The following DENND1A variants were observed in gnomAD, a reference collection of about 807,000 sequenced individuals.
DENND1A encodes the protein DENN domain containing 1A.
In DENND1A, 51 loss-of-function variants were observed where a neutral mutation model predicts 113.7. The observed-to-expected ratio is 0.45, with a 90% CI of 0.36 to 0.57. The LOEUF (loss-of-function observed/expected upper bound fraction) is 0.57. Among genes scored for constraint, DENND1A ranks in the 20% least tolerant of loss-of-function variants. The pLI is 0.00. For synonymous variants in DENND1A, 565 were observed against 570.8 expected (o/e 0.99, Z 0.14); for missense variants, 1,258 against 1,395.9 (o/e 0.90, Z 1.57).
At chr9:123,541,322 A>T (rs949187671) in intron 13 of DENND1A, among the ~76,000 whole-genome samples, 1 of 152,210 alleles carries the variant, frequency 6.6e-6, no homozygotes, top group African/African-American at 2.4e-5. Flanking sequence ...GAGTTCAGTG[A>T]GTACCAGGTT....
chr9:123,487,268 C>T (rs1480879178), intron 13 of DENND1A, among the ~76,000 whole-genome samples: 4 of 152,124 alleles, frequency 2.6e-5, no homozygotes, highest in East Asian at 1.9e-4. Context: ...TGCTCAAGTT[C>T]GTTTAAGTTG....
At chr9:123,655,480 T>C (rs549966528) in intron 8 of DENND1A, among the ~76,000 whole-genome samples, 45 of 152,230 alleles carry the variant, frequency 3.0e-4, no homozygotes, top group African/African-American at 1.0e-3. Flanking sequence ...TACTCAGTAA[T>C]GGTGAAGAAC....
At chr9:123,459,703 C>T (rs996102727) in intron 13 of DENND1A, among the ~76,000 whole-genome samples, 16 of 151,878 alleles carry the variant, frequency 1.1e-4, no homozygotes, top group African/African-American at 3.9e-4. Flanking sequence ...TAACACCCCA[C>T]CCCCCAGCCC....
rs141973246 is a variant in DENND1A, at chr9:123,590,527, C to T, written c.766-7257G>A. 4.9e-3 allele frequency among the ~76,000 whole-genome samples: 749 copies of T among 152,240 alleles called. 4 individuals are homozygous for T. The highest frequency in any genetic ancestry group is 0.018 in the African/African-American group (727 of 41,528). On this transcript the variant is annotated intron_variant, in intron 11 of 23. Coordinates refer to ENST00000394215, the MANE Select transcript of DENND1A (RefSeq NM_001352964.2). ...GGGGATGATAACCGTACCTACCTCA[C>T]AGATTTGTGAGGATTCAATGGGTTA...
At chr9:123,618,947 T>C (rs1348698177) in intron 10 of DENND1A, among the ~76,000 whole-genome samples, 3 of 150,934 alleles carry the variant, frequency 2.0e-5, no homozygotes. Context: ...GTTTTTTATT[T>C]CTTCTTATTA....
rs992077125 is a variant in DENND1A, at chr9:123,708,591, T to C, written c.303-31802A>G. On this transcript the variant is annotated intron_variant, in intron 5 of 23. Transcript: ENST00000394215. ...GAAAAATAAATTTTAAGTAACAACA[T>C]ATAAAATATTACAAGTATATAAAAA... is the stretch of plus-strand genomic sequence containing the variant. 2.9e-4 allele frequency among the ~76,000 whole-genome samples: 44 copies of C among 152,126 alleles called. 1 individual carries two copies. The highest frequency in any genetic ancestry group is 1.9e-3 in the Admixed American group (29 of 15,284).
chr9:123,403,691 C>G (rs867550546), intron 20 of DENND1A: 2 of 581,848 alleles, frequency 3.4e-6, no homozygotes, highest in Middle Eastern at 4.6e-4. Flanking sequence ...AATTCTGTGG[C>G]CTATTCAAAT....
chr9:123,596,805 CTG>C (rs1355506883), intron 11 of DENND1A, among the ~76,000 whole-genome samples: 3 of 152,202 alleles, frequency 2.0e-5, no homozygotes, highest in African/African-American at 4.8e-5. Flanking sequence ...AATGAAATAA[CTG>C]TGTTTGAATC....
At chr9:123,452,457 T>C in intron 16 of DENND1A, 110 bp from the exon 17 acceptor site, 2 of 872,204 alleles carry the variant, frequency 2.3e-6, no homozygotes, top group South Asian at 1.5e-5. Context: ...GGTATGTAAA[T>C]GCACATCGAG....
chr9:123,652,719 G>T lies in DENND1A; in HGVS notation c.508-596C>A, dbSNP rs148517015. 1.8e-3 allele frequency among the ~76,000 whole-genome samples: 280 copies of T among 152,208 alleles called. 1 individual carries two copies. The highest frequency in any genetic ancestry group is 6.3e-3 in the African/African-American group (263 of 41,528). On this transcript the variant is annotated intron_variant, in intron 8 of 23. Coordinates refer to ENST00000394215, the MANE Select transcript of DENND1A (RefSeq NM_001352964.2). ...TACATTTGCTAAAACGGCTCAGCTG[G>T]AATTAAGGCAATTTCGAACATTTAC...
At chr9:123,411,986 C>A (rs555872035) in intron 19 of DENND1A, among the ~76,000 whole-genome samples, 157 bp from the exon 20 acceptor site, 1 of 152,204 alleles carries the variant, frequency 6.6e-6, no homozygotes. Context: ...CCTTTTGAGG[C>A]CGTCTCCTCT....
At chr9:123,714,474 T>A (rs753932748) in intron 5 of DENND1A, among the ~76,000 whole-genome samples, 82 of 152,094 alleles carry the variant, frequency 5.4e-4, no homozygotes, top group Middle Eastern at 3.4e-3. Flanking sequence ...TGGTGGTGCA[T>A]GCCTGTAATC....
intron 9 of DENND1A, among the ~76,000 whole-genome samples, chr9:123,635,044 C>T (rs1560263): frequency 0.037 from 5,577 of 152,154 alleles, 365 homozygotes; most frequent in African/African-American, 0.13. Context: ...AGGACATGAA[C>T]GGAGAGTGAT....
At chr9:123,772,685 A>C (rs73667922) in intron 3 of DENND1A, among the ~76,000 whole-genome samples, 2,414 of 152,234 alleles carry the variant, frequency 0.016, 71 homozygotes, top group African/African-American at 0.056. Flanking sequence ...AAATCTTTTT[A>C]TGTACAGTTT....
chr9:123,417,227 C>T (rs1447595646), intron 19 of DENND1A, among the ~76,000 whole-genome samples: 1 of 152,236 alleles, frequency 6.6e-6, no homozygotes, highest in African/African-American at 2.4e-5. Context: ...TCTTCCATCT[C>T]CCCATGGTAC....
rs145394223 is a variant in DENND1A at position 123,653,956 on chromosome 9, G to C, written c.508-1833C>G. The stretch of plus-strand genomic sequence containing the variant: ...TCAGTAGACTTCTAAAGGTCACCCA[G>C]CTAGAAAGGGGAGAGCCATGTTTCA... On this transcript the variant is annotated intron_variant, in intron 8 of 23. Coordinates refer to ENST00000394215, the MANE Select transcript of DENND1A (RefSeq NM_001352964.2). 2.4e-3 allele frequency among the ~76,000 whole-genome samples: 359 copies of C among 150,762 alleles called. 2 individuals carry two copies. Among genetic ancestry groups the C allele is most frequent in the Admixed American group, 4.9e-3 (74 of 15,186 alleles).
intron 11 of DENND1A, among the ~76,000 whole-genome samples, chr9:123,598,696 CT>C (rs926635701): frequency 1.3e-5 from 2 of 151,914 alleles, no homozygotes; most frequent in African/African-American, 2.4e-5. Flanking sequence ...CTTTTTCTTT[CT>C]TTTTTTTCCC....
chr9:123,699,783 T>C (rs1290278463), intron 5 of DENND1A, among the ~76,000 whole-genome samples: 2 of 151,524 alleles, frequency 1.3e-5, no homozygotes, highest in Non-Finnish European at 2.9e-5. Flanking sequence ...CTGCAACCTT[T>C]GCCTCCCAGG....
chr9:123,409,807 G>A (rs753292309), intron 20 of DENND1A, among the ~76,000 whole-genome samples: 18 of 152,142 alleles, frequency 1.2e-4, no homozygotes, highest in Non-Finnish European at 1.0e-4. Flanking sequence ...AATAAGAACC[G>A]TTGGCCGGGT....
Sources: allele counts gnomAD v4.1 joint callset (sites outside exome capture counted in the v4.1 genomes callset), GRCh38; gene constraint gnomAD v4.1.1; transcripts MANE v1.5; gene names NCBI Gene and HGNC (gene_info 2026-07-23, HGNC 2026-07-21).